ADGRL2: variants seen among roughly 807,000 people sequenced by gnomAD.
ADGRL2 encodes the protein adhesion G protein-coupled receptor L2, also known as calcium-independent alpha-latrotoxin receptor 2.
A neutral mutation model predicts 157.4 loss-of-function variants in ADGRL2; 44 were observed. The observed-to-expected ratio is 0.28, with a 90% confidence interval of 0.22 to 0.36. ADGRL2 has a LOEUF of 0.36. ADGRL2 is among the 10% of genes least tolerant of loss of function. The pLI, the probability that ADGRL2 is intolerant of heterozygous loss-of-function variation, is 1.00. For synonymous variants in ADGRL2, 585 were observed against 624.7 expected (o/e 0.94, Z 0.95); for missense variants, 1,510 against 1,768.9 (o/e 0.85, Z 2.63).
chr1:81,505,740 C>CAAAAA (rs59062091), intron 2 of ADGRL2, among the ~76,000 whole-genome samples: 24 of 85,080 alleles, frequency 2.8e-4, no homozygotes, highest in Admixed American at 7.9e-4. Flanking sequence ...TGTCCTCCTG[C>CAAAAA]AAAAAAAAAA....
intron 1 of ADGRL2, among the ~76,000 whole-genome samples, chr1:81,396,800 T>A (rs918614888): frequency 2.0e-5 from 3 of 152,198 alleles, no homozygotes; most frequent in African/African-American, 7.2e-5. Context: ...GTATGTTGAA[T>A]CATCCTTGCA....
At chr1:81,653,324 T>G (rs113992262) in intron 3 of ADGRL2, among the ~76,000 whole-genome samples, 7 of 136,678 alleles carry the variant, frequency 5.1e-5, no homozygotes, top group East Asian at 4.0e-4. Flanking sequence ...TTTAGGGTTT[T>G]TTTTTTTTTC....
chr1:81,650,489 T>C (rs1206241484), intron 3 of ADGRL2, among the ~76,000 whole-genome samples: 1 of 151,146 alleles, frequency 6.6e-6, no homozygotes, highest in African/African-American at 2.4e-5. Context: ...GGCAGGAGAA[T>C]TGCTTGAACC....
Position 81,957,636 on chromosome 1 carries a change from G to A in ADGRL2, c.2017+1576G>A, listed in dbSNP as rs188291106. Among the ~76,000 whole-genome samples, 15 of 152,096 alleles carry A rather than the reference G, an allele frequency of 9.9e-5. No individual in the cohort carries two copies. The East Asian group carries it at 2.9e-3, about 30-fold the overall frequency. ...GGCGGGAGGATCACCTGAGCCCAGG[G>A]AGGGAGAGGTTGCAGTGAGCTGAGA... On this transcript the variant is annotated intron_variant, in intron 11 of 23. Coordinates refer to ENST00000686636, the MANE Select transcript of ADGRL2 (RefSeq NM_001366006.2).
Position 81,840,986 on chromosome 1 carries a change from A to T in ADGRL2, c.73+3929A>T, listed in dbSNP as rs74450853. ...AAAGTAAATTGAATTTTTGTGTCCTAGAGAATTAAATTATGCTGTATAATG... is the reference window on the plus strand; with the variant it reads ...AAAGTAAATTGAATTTTTGTGTCCTTGAGAATTAAATTATGCTGTATAATG... On this transcript the variant is annotated intron_variant, in intron 2 of 23. Transcript: ENST00000686636. 6.6e-3 allele frequency among the ~76,000 whole-genome samples: 1,004 copies of T among 152,216 alleles called. 11 individuals carry two copies. The highest frequency in any genetic ancestry group is 0.023 in the African/African-American group (953 of 41,550).
At chr1:81,771,126 C>T (rs2086351920) in intron 2 of ADGRL2, among the ~76,000 whole-genome samples, 1 of 152,020 alleles carries the variant, frequency 6.6e-6, no homozygotes, top group African/African-American at 2.4e-5. Context: ...TTGTGTTTTC[C>T]TGATTTTTAA....
intron 2 of ADGRL2, among the ~76,000 whole-genome samples, chr1:81,492,299 A>C (rs544403885): frequency 6.6e-6 from 1 of 152,326 alleles, no homozygotes. Context: ...GAACACACAA[A>C]AGAGAAGGTG....
chr1:81,744,793 C>CT (rs1458938068), intron 1 of ADGRL2, among the ~76,000 whole-genome samples: 5 of 152,168 alleles, frequency 3.3e-5, no homozygotes, highest in African/African-American at 7.2e-5. Flanking sequence ...GTTCCTCTTT[C>CT]TTTTGCTGTG....
rs74500435 is a variant in ADGRL2 at position 81,609,771 on chromosome 1, A to G, written c.-143+28791A>G. Among the ~76,000 whole-genome samples the G allele has an allele frequency of 8.3e-4, 126 of 152,344 alleles. 1 individual carries two copies. The East Asian group carries it at 0.018, about 22-fold the overall frequency. On this transcript the variant is annotated intron_variant, in intron 3 of 24. Coordinates refer to the ADGRL2 transcript ENST00000370721. ...ACCAATGTCTGCATATGGAAGATTC[A>G]TAGATCAAGCTTTGTGTTCCAGTCC...
At chr1:81,591,754 C>G (rs986550708) in intron 3 of ADGRL2, among the ~76,000 whole-genome samples, 1 of 152,172 alleles carries the variant, frequency 6.6e-6, no homozygotes, top group Non-Finnish European at 1.5e-5. Flanking sequence ...ATCAATTAAT[C>G]TGCCCTATTG....
chr1:81,481,272 A>G (rs12089570), intron 2 of ADGRL2, among the ~76,000 whole-genome samples: 3,420 of 152,344 alleles, frequency 0.022, 145 homozygotes, highest in African/African-American at 0.078. Flanking sequence ...TTAACTTTAG[A>G]AACAAGGCTT....
intron 1 of ADGRL2, among the ~76,000 whole-genome samples, chr1:81,819,835 T>C (rs1457739114): frequency 6.6e-6 from 1 of 152,170 alleles, no homozygotes; most frequent in African/African-American, 2.4e-5. Context: ...TAATTTGATA[T>C]TCTTTGGTTT....
intron 1 of ADGRL2, among the ~76,000 whole-genome samples, chr1:81,342,542 C>G (rs940529054): frequency 1.3e-5 from 2 of 152,096 alleles, no homozygotes; most frequent in Non-Finnish European, 2.9e-5. Context: ...TTCCATCTGG[C>G]AATTTAGTCA....
intron 2 of ADGRL2, among the ~76,000 whole-genome samples, chr1:81,867,446 T>A (rs1195122194): frequency 6.6e-6 from 1 of 152,220 alleles, no homozygotes; most frequent in African/African-American, 2.4e-5. Flanking sequence ...CTTTTCAGAT[T>A]TGTATCAGCA....
intron 1 of ADGRL2, among the ~76,000 whole-genome samples, chr1:81,738,933 TG>T (rs1466762902): frequency 6.6e-6 from 1 of 152,234 alleles, no homozygotes; most frequent in African/African-American, 2.4e-5. Flanking sequence ...CTACTTCTGC[TG>T]TCATTCATCC....
intron 14 of ADGRL2, 120 bp from the exon 15 acceptor site, chr1:81,969,058 A>G: frequency 1.4e-6 from 1 of 722,140 alleles, no homozygotes; most frequent in Non-Finnish European, 2.4e-6. Flanking sequence ...TTGAACACAT[A>G]TGAATAGTAT....
At chr1:81,454,846 A>AT (rs1243624168) in intron 2 of ADGRL2, among the ~76,000 whole-genome samples, 3 of 152,212 alleles carry the variant, frequency 2.0e-5, no homozygotes, top group Non-Finnish European at 4.4e-5. Flanking sequence ...GCCGTCAAAG[A>AT]TAAGTTCCCA....
rs535061961 is a variant in ADGRL2 at position 81,327,315 on chromosome 1, G to A, written c.-302+20806G>A. ...TTCCTTTATCTTCTAGGAGATCTGC[G>A]GAAGCCTTTCCTTTGGAAAGTGCTC... is the stretch of plus-strand genomic sequence containing the variant. On this transcript the variant is annotated intron_variant, in intron 1 of 24. Coordinates refer to the ADGRL2 transcript ENST00000370721. Among the ~76,000 whole-genome samples, 5 of 152,170 alleles carry A rather than the reference G, an allele frequency of 3.3e-5. No homozygotes were observed. In the South Asian group the frequency reaches 6.2e-4, roughly 19 times the overall value.
chr1:81,710,743 A>C (rs2149076503), intron 1 of ADGRL2, among the ~76,000 whole-genome samples: 1 of 151,066 alleles, frequency 6.6e-6, no homozygotes, highest in South Asian at 2.1e-4. Flanking sequence ...ATTTATGAAG[A>C]AAATCAGCCT....
Sources: gnomAD v4.1 joint callset for allele counts (sites outside exome capture counted in the v4.1 genomes callset) on GRCh38, gnomAD v4.1.1 for gene constraint, MANE v1.5 for transcripts, NCBI Gene and HGNC (gene_info 2026-07-23, HGNC 2026-07-21) for gene names.